MAPT: variants seen among roughly 807,000 people sequenced by gnomAD.
MAPT encodes microtubule associated protein tau.
MAPT carries 34 observed loss-of-function variants against 67.9 expected under a neutral mutation model. That is an observed-to-expected ratio of 0.50 (90% CI 0.38 to 0.67). The LOEUF is 0.67. Among genes scored for constraint, MAPT ranks in the 30% least tolerant of loss-of-function variants. MAPT has a pLI of 0.00. For missense variants in MAPT, 881 were observed against 1,115.2 expected (o/e 0.79, Z 2.99); for synonymous variants, 456 against 464.5 (o/e 0.98, Z 0.23).
rs8712 is a variant in MAPT at position 46,024,505 on chromosome 17, A to G, written c.*334A>G. The G allele has an allele frequency of 0.15, 60,864 of 408,408 alleles. 5,895 individuals carry two copies. The highest frequency in any genetic ancestry group is 0.2 in the Non-Finnish European group (43,992 of 217,134). 25.3% of individuals were successfully genotyped at this position (408,408 alleles called of 1,614,324 possible). On this transcript the variant is annotated 3_prime_UTR_variant, in exon 13 of 13. Transcript: ENST00000262410. ...TCTTCCCCCTCCATGTAGAAGAGGG[A>G]GAAGGAGAGGCTCTGAAAGCTGCTT...
Position 45,896,572 on chromosome 17 carries a change from C to G in MAPT, c.-18+1886C>G, listed in dbSNP as rs981395453. Reference sequence around the variant, plus strand: ...ATCTTGGGGCTGGCCTCACCCCTTCCCTGCGGAGATTGGGGACCCTGGGGT... The same window carrying G: ...ATCTTGGGGCTGGCCTCACCCCTTCGCTGCGGAGATTGGGGACCCTGGGGT... On this transcript the variant is annotated intron_variant, in intron 1 of 12. Coordinates refer to ENST00000262410, the MANE Select transcript of MAPT (RefSeq NM_001377265.1). This position sits in a 1 kb window ranked among gnomAD's most constrained non-coding sequence, Gnocchi z 5.6. 4 of 152,234 alleles carry G rather than the reference C, an allele frequency of 2.6e-5. No homozygotes were observed. Among genetic ancestry groups the G allele is most frequent in the African/African-American group, 9.7e-5 (4 of 41,420 alleles). 9.4% of individuals were successfully genotyped at this position (152,234 alleles called of 1,614,324 possible). A position where few individuals can be genotyped will look rare whatever the true frequency, so the allele number is the denominator to read the frequency against.
Position 45,894,696 on chromosome 17 carries a change from G to C in MAPT, c.-18+10G>C, listed in dbSNP as rs1331543506. On this transcript the variant is annotated intron_variant, in intron 1 of 12. Transcript: ENST00000262410. ...CTCTGTCGACTATCAGGTAAGCGCCGCGGCTCCGAAATCTGCCTCGCCGTC... is the reference window on the plus strand; with the variant it reads ...CTCTGTCGACTATCAGGTAAGCGCCCCGGCTCCGAAATCTGCCTCGCCGTC... 6.5e-6 allele frequency: 1 copy of C among 152,882 alleles called. No homozygotes were observed. The highest frequency in any genetic ancestry group is 2.4e-5 in the African/African-American group (1 of 41,422). 9.5% of individuals were successfully genotyped at this position (152,882 alleles called of 1,614,324 possible). A position where few individuals can be genotyped will look rare whatever the true frequency, so the allele number is the denominator to read the frequency against.
intron 9 of MAPT, among the ~76,000 whole-genome samples, chr17:46,007,875 C>T (rs1368862357): frequency 6.6e-6 from 1 of 151,912 alleles, no homozygotes; most frequent in Non-Finnish European, 1.5e-5. Flanking sequence ...AAGCTCCTTT[C>T]AGAAAGAGGT....
In MAPT at chr17:45,906,824, T is replaced by C. The variant is rs1362435383; in HGVS notation, c.-18+12138T>C. On this transcript the variant is annotated intron_variant, in intron 1 of 12. Coordinates refer to ENST00000262410, the MANE Select transcript of MAPT (RefSeq NM_001377265.1). This position sits in a 1 kb window ranked among gnomAD's most constrained non-coding sequence, Gnocchi z 4.3. Reference sequence around the variant, plus strand: ...CAAGCCATGGAGCCTTAAGCTCTTCTCCCTCCACATCCTGGAACAGACCCG... The same window carrying C: ...CAAGCCATGGAGCCTTAAGCTCTTCCCCCTCCACATCCTGGAACAGACCCG... Among the ~76,000 whole-genome samples, 1 of 152,078 alleles carries C rather than the reference T, an allele frequency of 6.6e-6. No homozygotes were observed. The highest frequency in any genetic ancestry group is 2.4e-5 in the African/African-American group (1 of 41,408).
chr17:45,921,026 T>C lies in MAPT; in HGVS notation c.-18+26340T>C, dbSNP rs543252730. ...CAAGTCATTAATAGTAAAGAATAAA[T>C]GTGAAAGTGAGAAAAATCTGACTGC... On this transcript the variant is annotated intron_variant, in intron 1 of 12. Transcript: ENST00000262410. 5.9e-5 allele frequency among the ~76,000 whole-genome samples: 9 copies of C among 152,348 alleles called. No individual in the cohort carries two copies. The South Asian group carries it at 1.7e-3, about 28-fold the overall frequency.
At chr17:45,994,941 G>A (rs1028038000) in intron 8 of MAPT, among the ~76,000 whole-genome samples, 3 of 152,048 alleles carry the variant, frequency 2.0e-5, no homozygotes, top group African/African-American at 4.8e-5. Flanking sequence ...TCAGCTACTC[G>A]GGAGGCTGAG....
In MAPT at chr17:45,906,040, C is replaced by A. The variant is rs918146525; in HGVS notation, c.-18+11354C>A. On this transcript the variant is annotated intron_variant, in intron 1 of 12. Coordinates refer to ENST00000262410, the MANE Select transcript of MAPT (RefSeq NM_001377265.1). The surrounding 1 kb of genome is among the most constrained non-coding windows in gnomAD (Gnocchi z 4.3). Reference sequence around the variant, plus strand: ...GGGTGAGGGCTGAGCCAGCAGGGTCCGTGCCCAGGAGGGATGCATGGGTGG... The same window carrying A: ...GGGTGAGGGCTGAGCCAGCAGGGTCAGTGCCCAGGAGGGATGCATGGGTGG... Among the ~76,000 whole-genome samples, 1 of 152,202 alleles carries A rather than the reference C, an allele frequency of 6.6e-6. No individual in the cohort carries two copies. The highest frequency in any genetic ancestry group is 2.4e-5 in the African/African-American group (1 of 41,444).
At chr17:45,965,980 A>G (rs918232651) in intron 2 of MAPT, among the ~76,000 whole-genome samples, 2 of 152,152 alleles carry the variant, frequency 1.3e-5, no homozygotes, top group Non-Finnish European at 2.9e-5. Context: ...CACATGGACC[A>G]TATTTCCCCC....
chr17:45,949,404 C>T (rs901149822), intron 1 of MAPT, among the ~76,000 whole-genome samples: 1 of 152,254 alleles, frequency 6.6e-6, no homozygotes, highest in Non-Finnish European at 1.5e-5. Context: ...CTCTTGACTC[C>T]AGCAGGGCCT....
chr17:45,918,692 G>GTAT (rs1225445660), intron 1 of MAPT, among the ~76,000 whole-genome samples: 1 of 152,214 alleles, frequency 6.6e-6, no homozygotes, highest in African/African-American at 2.4e-5. Flanking sequence ...GACTCTTAGT[G>GTAT]TATTAGTCTG....
At chr17:45,940,618 G>C (rs2067766699) in intron 1 of MAPT, among the ~76,000 whole-genome samples, 2 of 152,186 alleles carry the variant, frequency 1.3e-5, no homozygotes, top group East Asian at 1.9e-4. Context: ...GCTTGAAGAG[G>C]AGACGACAGG....
chr17:45,973,945 C>T (rs752668950), intron 3 of MAPT: 19 of 183,204 alleles, frequency 1.0e-4, no homozygotes, highest in Non-Finnish European at 1.5e-4. Flanking sequence ...ATGAGGAAAC[C>T]GTCCAATCAA....
chr17:45,974,527 C>G, intron 3 of MAPT: 1 of 1,389,682 alleles, frequency 7.2e-7, no homozygotes, highest in South Asian at 1.2e-5. Flanking sequence ...GGTGCCCCAG[C>G]TGACCTGTGA....
At chr17:45,969,800 A>C (rs766568124) in intron 2 of MAPT, among the ~76,000 whole-genome samples, 37 of 150,048 alleles carry the variant, frequency 2.5e-4, no homozygotes, top group Non-Finnish European at 4.9e-4. Flanking sequence ...TCCATCCATC[A>C]TTCATCCATC....
rs63750222 is a variant in MAPT, at chr17:45,983,659, C to T, written c.1080C>T (p.Asp360=). Residue 360 remains aspartate (D), a synonymous_variant, in exon 5 of 13, where the codon GAC becomes GAT. Coordinates refer to ENST00000262410, the MANE Select transcript of MAPT (RefSeq NM_001377265.1). ...VSTEIPASEP[D]GPSVGRAKGQ... is the part of the protein sequence containing the mutation. ...CAGAGATCCCAGCCTCAGAGCCCGA[C>T]GGGCCCAGTGTAGGGCGGGCCAAAG... The T allele has an allele frequency of 0.12, 191,733 of 1,613,920 alleles. 12,181 individuals are homozygous for T. Among genetic ancestry groups the T allele is most frequent in the Admixed American group, 0.18 (10,904 of 60,028 alleles).
At position 45,934,788 on chromosome 17, in the gene MAPT, AT is replaced by A. The variant is rs552209915; in HGVS notation, c.-17-27532del. ...CTTGACTAGCTGAGTGACTTTGCAC[AT>A]GGGGCTTGCCTCTCTGTTGCCTTGT... On this transcript the variant is annotated intron_variant, in intron 1 of 12. Coordinates refer to ENST00000262410, the MANE Select transcript of MAPT (RefSeq NM_001377265.1). Among the ~76,000 whole-genome samples the A allele has an allele frequency of 7.1e-4, 108 of 152,294 alleles. No individual in the cohort carries two copies. In the South Asian group the frequency reaches 0.022, roughly 31 times the overall value.
In MAPT at chr17:45,999,477, C is replaced by T. The variant is rs1163215421; in HGVS notation, c.1998+2813C>T. 5.0e-6 allele frequency: 8 copies of T among 1,613,938 alleles called. No individual in the cohort carries two copies. In the South Asian group the frequency reaches 8.8e-5, roughly 18 times the overall value. ...TGACCCTGAGTTCATCTGAGGTTGG[C>T]TTGGAAGGTGTGGGCACCATTTGGC... On this transcript the variant is annotated intron_variant, in intron 9 of 12. Transcript: ENST00000262410.
intron 11 of MAPT, among the ~76,000 whole-genome samples, chr17:46,014,882 C>CAAAAAAAGAAAAAA (rs2076065688): frequency 7.8e-6 from 1 of 127,500 alleles, no homozygotes; most frequent in Non-Finnish European, 1.7e-5. Context: ...GACTCCGTCT[C>CAAAAAAAGAAAAAA]AAAAAAAAAA....
At chr17:45,916,644 T>C (rs1037377488) in intron 1 of MAPT, among the ~76,000 whole-genome samples, 1 of 152,124 alleles carries the variant, frequency 6.6e-6, no homozygotes, top group Non-Finnish European at 1.5e-5. Flanking sequence ...CACTTTCCCT[T>C]TTCTCCTCCC....
Sources: gnomAD v4.1 joint callset for allele counts (sites outside exome capture counted in the v4.1 genomes callset) on GRCh38, gnomAD v4.1.1 for gene constraint, Gnocchi (gnomAD v3.1) non-coding constraint, MANE v1.5 for transcripts, NCBI Gene and HGNC (gene_info 2026-07-23, HGNC 2026-07-21) for gene names.